The following TBCB variants were observed in gnomAD, a reference collection of about 807,000 sequenced individuals.
TBCB encodes the protein tubulin-folding cofactor B.
Under a neutral mutation model 29.2 loss-of-function variants are expected in TBCB, and 18 were observed. The observed-to-expected ratio is 0.62, with a 90% CI of 0.43 to 0.91. The LOEUF (loss-of-function observed/expected upper bound fraction) is 0.91, where lower values mean the gene tolerates loss of function less well. Among genes scored for constraint, TBCB ranks in the 40% least tolerant of loss-of-function variants. The probability of loss-of-function intolerance (pLI) is 0.00; values close to 1 mark genes in which losing one functional copy is unlikely to be tolerated. For missense variants in TBCB, 336 were observed against 337.6 expected (o/e 1.00, Z 0.04); for synonymous variants, 172 against 137.8 (o/e 1.25, Z -1.74).
rs761232326 is a variant in TBCB, at chr19:36,116,084, A to G, written c.158A>G (p.Glu53Gly). The G allele has an allele frequency of 2.5e-6, 4 of 1,614,130 alleles. No individual in the cohort carries two copies. Among genetic ancestry groups the G allele is most frequent in the Non-Finnish European group, 3.4e-6 (4 of 1,180,006 alleles). Reference protein sequence around the residue: ...LLVGSPASCMELELYGVDDKF... With the variant: ...LLVGSPASCMGLELYGVDDKF... The stretch of plus-strand genomic sequence containing the variant: ...GTGGGCAGCCCTGCTTCCTGCATGG[A>G]ACTGGAGCTGTATGGAGTTGACGAC... Residue 53 changes from glutamate to glycine, a missense_variant, in exon 2 of 6, where the codon GAA (glutamate) becomes GGA (glycine). Glu to Gly is a moderately conservative substitution (Grantham distance 98). Coordinates refer to ENST00000221855, the MANE Select transcript of TBCB (RefSeq NM_001281.3).
chr19:36,115,318 C>T, upstream of TBCB: 1 of 562,120 alleles, frequency 1.8e-6, no homozygotes. Context: ...ATTGGAAGAA[C>T]CGTGAACTAT....
intron 1 of TBCB, 161 bp from the exon 2 acceptor site, chr19:36,115,880 G>A: frequency 8.2e-7 from 1 of 1,212,506 alleles, no homozygotes; most frequent in Non-Finnish European, 1.2e-6. Context: ...CGAAAAATCC[G>A]ACGGTCCAGA....
Position 36,115,508 on chromosome 19 carries a change from AGCGGGTGTGAG to A in TBCB, c.-48_-38del. The A allele has an allele frequency of 7.2e-7, 1 of 1,396,340 alleles. No individual in the cohort carries two copies. The highest frequency in any genetic ancestry group is 9.9e-7 in the Non-Finnish European group (1 of 1,012,954). 86.5% of individuals were successfully genotyped at this position (1,396,340 alleles called of 1,614,324 possible). A position where few individuals can be genotyped will look rare whatever the true frequency, so the allele number is the denominator to read the frequency against. ...GCAGCAGCGGCGGCGGCGGCTGCGG[AGCGGGTGTGAG>A]GCGGCTGGACCGCGCTGCAGGCATC... On this transcript the variant is annotated 5_prime_UTR_variant, in exon 1 of 6. Coordinates refer to ENST00000221855, the MANE Select transcript of TBCB (RefSeq NM_001281.3).
At chr19:36,115,771 G>A in intron 1 of TBCB, 97 bp downstream of exon 1, 12 of 1,270,178 alleles carry the variant, frequency 9.4e-6, no homozygotes, top group Non-Finnish European at 1.3e-5. Flanking sequence ...TGACTGGGCG[G>A]GCCCGGAGGT....
At chr19:36,125,310 G>A in intron 4 of TBCB, 141 bp from the exon 5 acceptor site, 1 of 867,182 alleles carries the variant, frequency 1.2e-6, no homozygotes, top group East Asian at 2.4e-5. Flanking sequence ...CCTAGTGGTA[G>A]CAATAGAGGT....
At chr19:36,115,345 T>A (rs1055730710), upstream of TBCB, 2 of 571,274 alleles carry the variant, frequency 3.5e-6, no homozygotes, top group African/African-American at 3.9e-5. Flanking sequence ...CCCCTCTGGA[T>A]TGGCTGGGCT....
intron 4 of TBCB, 132 bp downstream of exon 4, chr19:36,121,850 C>T (rs1258393396): frequency 8.4e-7 from 1 of 1,186,896 alleles, no homozygotes; most frequent in African/African-American, 1.5e-5. Flanking sequence ...GAAACGATCT[C>T]AGTCCCTGGA....
intron 4 of TBCB, 87 bp from the exon 5 acceptor site, chr19:36,125,364 T>G: frequency 1.4e-6 from 2 of 1,409,422 alleles, no homozygotes; most frequent in South Asian, 2.3e-5. Context: ...ACTCAATGGG[T>G]AGGCATGGAT....
chr19:36,120,506 T>C, intron 2 of TBCB: 1 of 556,926 alleles, frequency 1.8e-6, no homozygotes, highest in East Asian at 3.0e-5. Flanking sequence ...CTCTGGGAGC[T>C]TGGATGGGGG....
chr19:36,125,339 C>A, intron 4 of TBCB, 112 bp from the exon 5 acceptor site: 1 of 1,214,462 alleles, frequency 8.2e-7, no homozygotes, highest in Non-Finnish European at 1.2e-6. Flanking sequence ...ATGGTTTTCA[C>A]CAAGACAGGC....
intron 1 of TBCB, 50 bp from the exon 2 acceptor site, chr19:36,115,991 G>C (rs773728438): frequency 2.5e-6 from 4 of 1,594,176 alleles, no homozygotes; most frequent in Non-Finnish European, 2.6e-6. Flanking sequence ...TTGATGCAAG[G>C]GGCGGGGCCT....
At chr19:36,121,439 T>A in intron 3 of TBCB, 88 bp from the exon 4 acceptor site, 1 of 1,426,102 alleles carries the variant, frequency 7.0e-7, no homozygotes, top group Non-Finnish European at 9.3e-7. Flanking sequence ...AGAGAGTTCC[T>A]CCGTGAACGT....
chr19:36,122,753 C>CAAA (rs1555727677), intron 4 of TBCB, among the ~76,000 whole-genome samples: 1 of 124,912 alleles, frequency 8.0e-6, no homozygotes, highest in African/African-American at 3.5e-5. Flanking sequence ...GACCCTGTCT[C>CAAA]CAAAAAAAAA....
intron 3 of TBCB, 139 bp downstream of exon 3, chr19:36,120,945 G>A (rs1026677086): frequency 1.7e-5 from 13 of 771,098 alleles, no homozygotes; most frequent in African/African-American, 1.4e-4. Flanking sequence ...AGGATATAGG[G>A]GTGAGGCTGG....
intron 4 of TBCB, among the ~76,000 whole-genome samples, chr19:36,123,850 G>C (rs1974097030): frequency 6.6e-6 from 1 of 152,104 alleles, no homozygotes; most frequent in Non-Finnish European, 1.5e-5. Context: ...ACTCCAGCCT[G>C]GGCAACCATG....
At chr19:36,115,463 G>A, upstream of TBCB, 1 of 909,404 alleles carries the variant, frequency 1.1e-6, no homozygotes, top group Non-Finnish European at 1.7e-6. Context: ...GGAGCAGGAG[G>A]CGGGGCTGAT....
chr19:36,116,003 C>T (rs759620718), intron 1 of TBCB, 38 bp from the exon 2 acceptor site: 1 of 1,600,898 alleles, frequency 6.2e-7, no homozygotes, highest in Non-Finnish European at 8.5e-7. Flanking sequence ...GCGGGGCCTC[C>T]GTGGCCTCCT....
chr19:36,121,620 C>T lies in TBCB; in HGVS notation c.449C>T (p.Ala150Val). Residue 150 changes from alanine (A) to valine (V), a missense_variant, in exon 4 of 6, where the codon GCC (alanine) becomes GTC (valine). Transcript: ENST00000221855. The part of the protein sequence containing the change: ...QQEAEAAQRL[A>V]EEKAQASSIP... The stretch of plus-strand genomic sequence containing the variant: ...GAGGCCGAGGCCGCCCAGCGCCTGG[C>T]CGAGGAGAAGGCCCAGGCCAGCTCC... The T allele has an allele frequency of 6.4e-7, 1 of 1,555,734 alleles. No homozygotes were observed.
At chr19:36,119,295 C>T (rs1416132893) in intron 2 of TBCB, among the ~76,000 whole-genome samples, 1 of 152,198 alleles carries the variant, frequency 6.6e-6, no homozygotes, top group Non-Finnish European at 1.5e-5. Context: ...GAGGTAAAGG[C>T]CATTCCTATT....
Sources: allele counts gnomAD v4.1 joint callset (sites outside exome capture counted in the v4.1 genomes callset), GRCh38; gene constraint gnomAD v4.1.1; transcripts MANE v1.5; gene names NCBI Gene and HGNC (gene_info 2026-07-23, HGNC 2026-07-21).